Variants in GADL1 observed in about 807,000 individuals in gnomAD.
GADL1 encodes GAD like acidic amino acid decarboxylase 1.
A neutral mutation model predicts 69.5 loss-of-function variants in GADL1; 71 were observed. That is an observed-to-expected ratio of 1.02 (90% CI 0.84 to 1.25). The LOEUF (loss-of-function observed/expected upper bound fraction) is 1.25, where lower values mean the gene tolerates loss of function less well. GADL1 is among the 50% of genes most tolerant of loss of function. GADL1 has a pLI of 0.00. For missense variants in GADL1, 737 were observed against 631.8 expected, an observed-to-expected ratio of 1.17 and a Z score of -1.79; for synonymous variants, 254 against 214.4, an observed-to-expected ratio of 1.18 and a Z score of -1.62.
intron 11 of GADL1, among the ~76,000 whole-genome samples, chr3:30,813,702 T>C (rs1416374507): frequency 2.6e-5 from 4 of 152,240 alleles, no homozygotes; most frequent in Non-Finnish European, 5.9e-5. Flanking sequence ...TATGCAGGAA[T>C]GCAAGTTCTG....
At chr3:30,832,257 A>AT (rs1697804534) in intron 11 of GADL1, among the ~76,000 whole-genome samples, 1 of 151,968 alleles carries the variant, frequency 6.6e-6, no homozygotes, top group South Asian at 2.1e-4. Context: ...TGCACAGTGA[A>AT]TAGAATTCCC....
intron 11 of GADL1, among the ~76,000 whole-genome samples, chr3:30,829,207 T>TTTCTTTTTATTCCTGTGA (rs200234989): frequency 5.9e-5 from 9 of 151,886 alleles, no homozygotes; most frequent in Non-Finnish European, 7.4e-5. Flanking sequence ...AATCCCTGAT[T>TTTCTTTTTATTCCTGTGA]TTCTTTTTAT....
intron 3 of GADL1, among the ~76,000 whole-genome samples, chr3:30,855,260 T>C (rs1698210073): frequency 6.6e-6 from 1 of 152,098 alleles, no homozygotes; most frequent in South Asian, 2.1e-4. Context: ...TGAGTTGTCT[T>C]TTAAGAGCTT....
chr3:30,803,882 G>A (rs1697205838), intron 11 of GADL1, among the ~76,000 whole-genome samples: 1 of 152,128 alleles, frequency 6.6e-6, no homozygotes, highest in Non-Finnish European at 1.5e-5. Context: ...ACGTAACATT[G>A]TTGAAAATAG....
rs932515774 is a variant in GADL1 at position 30,805,742 on chromosome 3, T to A, written c.1051-4654A>T. Among the ~76,000 whole-genome samples the A allele has an allele frequency of 1.5e-4, 21 of 138,744 alleles. No individual in the cohort carries two copies. The Middle Eastern group carries it at 0.01, about 69-fold the overall frequency. 91.0% of individuals were successfully genotyped at this position (138,744 alleles called of 152,430 possible). On this transcript the variant is annotated intron_variant, in intron 11 of 14. Coordinates refer to ENST00000282538, the MANE Select transcript of GADL1 (RefSeq NM_207359.3). ...CACCAGCAGTCCCCAGCCTTTTTTTTTTTTTTTTTTTTTTTTGGGCACCAG... is the reference window on the plus strand; with the variant it reads ...CACCAGCAGTCCCCAGCCTTTTTTTATTTTTTTTTTTTTTTTGGGCACCAG...
chr3:30,763,642 G>A (rs752881969), intron 14 of GADL1, among the ~76,000 whole-genome samples: 132 of 152,262 alleles, frequency 8.7e-4, no homozygotes, highest in Admixed American at 1.6e-3. Flanking sequence ...CTAAGAGGAA[G>A]CCTATTTTAT....
chr3:30,811,047 C>G (rs145259419), intron 11 of GADL1, among the ~76,000 whole-genome samples: 1 of 152,130 alleles, frequency 6.6e-6, no homozygotes, highest in Non-Finnish European at 1.5e-5. Context: ...TCAAGACTCC[C>G]CTTCCCCTTC....
intron 14 of GADL1, among the ~76,000 whole-genome samples, chr3:30,774,134 T>G (rs537215412): frequency 2.0e-5 from 3 of 152,270 alleles, no homozygotes; most frequent in Admixed American, 6.5e-5. Flanking sequence ...AGGGAATACC[T>G]AGGAAATTTG....
intron 14 of GADL1, among the ~76,000 whole-genome samples, chr3:30,756,973 A>G (rs975224475): frequency 5.9e-5 from 9 of 152,148 alleles, no homozygotes; most frequent in Non-Finnish European, 1.2e-4. Flanking sequence ...GGAGAGGGGT[A>G]ATAAGTAGAA....
chr3:30,755,443 C>T (rs1237798122), intron 14 of GADL1, among the ~76,000 whole-genome samples: 5 of 152,052 alleles, frequency 3.3e-5, no homozygotes, highest in African/African-American at 4.8e-5. Flanking sequence ...GGAATAAATA[C>T]AAAGATTATT....
intron 4 of GADL1, among the ~76,000 whole-genome samples, chr3:30,854,495 T>A (rs1285758600): frequency 6.6e-6 from 1 of 152,152 alleles, no homozygotes; most frequent in Non-Finnish European, 1.5e-5. Flanking sequence ...AATGAGATAA[T>A]AATGACTGCC....
intron 6 of GADL1, among the ~76,000 whole-genome samples, chr3:30,846,427 T>G (rs1205545067): frequency 6.6e-6 from 1 of 152,152 alleles, no homozygotes; most frequent in African/African-American, 2.4e-5. Flanking sequence ...CCACAAGGAT[T>G]TTTTTCTATG....
chr3:30,815,759 G>T (rs1239248955), intron 11 of GADL1, among the ~76,000 whole-genome samples: 1 of 152,172 alleles, frequency 6.6e-6, no homozygotes, highest in Non-Finnish European at 1.5e-5. Context: ...CTAAATCAAT[G>T]TTTTCTATTT....
In GADL1 at chr3:30,859,937, C is replaced by A. The variant is rs114403142; in HGVS notation, c.210+1656G>T. ...AATTGACAACTTAGGATCTTAAGAT[C>A]TTCCGTTTCTCATCTTATTAGTCCC... On this transcript the variant is annotated intron_variant, in intron 2 of 14. Transcript: ENST00000282538. Among the ~76,000 whole-genome samples the A allele has an allele frequency of 8.3e-3, 1,254 of 151,892 alleles. 9 individuals carry two copies. The highest frequency in any genetic ancestry group is 0.029 in the African/African-American group (1,182 of 41,458).
At chr3:30,871,182 C>T (rs1698477129) in intron 1 of GADL1, among the ~76,000 whole-genome samples, 2 of 151,276 alleles carry the variant, frequency 1.3e-5, no homozygotes, top group African/African-American at 4.9e-5. Context: ...GCAGGGACTT[C>T]AGTAGAAACT....
At chr3:30,882,908 T>C (rs997548586) in intron 1 of GADL1, among the ~76,000 whole-genome samples, 1 of 151,924 alleles carries the variant, frequency 6.6e-6, no homozygotes, top group Admixed American at 6.6e-5. Flanking sequence ...TTTGTATTTC[T>C]CTAATGTTAG....
intron 11 of GADL1, among the ~76,000 whole-genome samples, chr3:30,831,926 T>C (rs114380097): frequency 0.017 from 2,609 of 152,020 alleles, 80 homozygotes; most frequent in African/African-American, 0.06. Flanking sequence ...CTGCATTTTG[T>C]TCATTGTCTT....
chr3:30,798,244 T>C (rs891006577), intron 12 of GADL1: 1 of 152,986 alleles, frequency 6.5e-6, no homozygotes, highest in Non-Finnish European at 1.5e-5. Context: ...CCTTCTGTTT[T>C]AGTCTGTTTT....
chr3:30,764,371 CATA>C (rs1696217651), intron 14 of GADL1, among the ~76,000 whole-genome samples: 2 of 151,960 alleles, frequency 1.3e-5, no homozygotes, highest in South Asian at 2.1e-4. Context: ...ACACTTAAAA[CATA>C]ATTCTCTTGA....
Sources: gnomAD v4.1 joint callset for allele counts (sites outside exome capture counted in the v4.1 genomes callset) on GRCh38, gnomAD v4.1.1 for gene constraint, MANE v1.5 for transcripts, NCBI Gene and HGNC (gene_info 2026-07-23, HGNC 2026-07-21) for gene names.